The following STC1 variants were observed in gnomAD, a reference collection of about 807,000 sequenced individuals.
STC1 encodes the protein stanniocalcin-1.
A neutral mutation model predicts 22.6 loss-of-function variants in STC1; 7 were observed. The observed-to-expected ratio is 0.31, with a 90% CI of 0.18 to 0.58. The LOEUF is 0.58. STC1 is among the 20% of genes least tolerant of loss of function. The probability of loss-of-function intolerance (pLI) is 0.89; values close to 1 mark genes in which losing one functional copy is unlikely to be tolerated. For synonymous variants in STC1, 113 were observed against 120.7 expected, an observed-to-expected ratio of 0.94 and a Z score of 0.42; for missense variants, 224 against 311.0, an observed-to-expected ratio of 0.72 and a Z score of 2.10.
chr8:23,852,557 G>C (rs1398327203), intron 1 of STC1, among the ~76,000 whole-genome samples, 173 bp from the exon 2 acceptor site: 1 of 152,146 alleles, frequency 6.6e-6, no homozygotes, highest in Non-Finnish European at 1.5e-5. Context: ...GGATAGACAG[G>C]CTCCTTTTGT....
chr8:23,854,077 G>A (rs751941515), intron 1 of STC1: 17 of 1,145,420 alleles, frequency 1.5e-5, no homozygotes, highest in Admixed American at 7.7e-5. Flanking sequence ...TATAGAGAGC[G>A]CTTTGAAGCA....
rs756246699 is a variant in STC1, at chr8:23,854,454, T to C, written c.70A>G (p.Asn24Asp). 3.1e-6 allele frequency: 5 copies of C among 1,614,186 alleles called. No individual in the cohort carries two copies. In the East Asian group the frequency reaches 6.7e-5, roughly 22 times the overall value. ...GATTTCCTGGGGCTCACAGAGTCAT[T>C]CTGCTCCGCCTCATGGGTTGCAGAA... ...SASATHEAEQ[N>D]DSVSPRKSRV... Residue 24 changes from asparagine to aspartate, a missense_variant, in exon 1 of 4, where the codon AAT (asparagine) becomes GAT (aspartate). Physicochemically the swap from Asn to Asp is conservative, Grantham distance 23 (BLOSUM62 1). Coordinates refer to ENST00000290271, the MANE Select transcript of STC1 (RefSeq NM_003155.3).
Sources: gnomAD v4.1 joint callset for allele counts (sites outside exome capture counted in the v4.1 genomes callset) on GRCh38, gnomAD v4.1.1 for gene constraint, MANE v1.5 for transcripts, NCBI Gene and HGNC (gene_info 2026-07-23, HGNC 2026-07-21) for gene names.